The following PABPC4L variants were observed in gnomAD, a reference collection of about 807,000 sequenced individuals.
PABPC4L encodes polyadenylate-binding protein 4-like.
For synonymous variants in PABPC4L, 169 were observed against 164.1 expected, an observed-to-expected ratio of 1.03 and a Z score of -0.23; for missense variants, 452 against 451.4, an observed-to-expected ratio of 1.00 and a Z score of -0.01.
Position 134,199,784 on chromosome 4 carries a change from A to T in PABPC4L, c.*123T>A. 3.1e-6 allele frequency: 4 copies of T among 1,279,204 alleles called. No individual in the cohort carries two copies. In the South Asian group the frequency reaches 6.2e-5, roughly 20 times the overall value. The allele number at this position is 1,279,204 out of a possible 1,614,324, so 79.2% of individuals were successfully genotyped here. A position where few individuals can be genotyped will look rare whatever the true frequency, so the allele number is the denominator to read the frequency against. ...TTTGTATAAAAAACGTTTTATCATAAAGTTTACTAAACTAAGCACCCATCA... is the reference window on the plus strand; with the variant it reads ...TTTGTATAAAAAACGTTTTATCATATAGTTTACTAAACTAAGCACCCATCA... On this transcript the variant is annotated 3_prime_UTR_variant, in exon 2 of 2. Transcript: ENST00000421491.
chr4:134,160,246 C>T, the PABPC4L span, among the ~76,000 whole-genome samples: 2 of 152,066 alleles, frequency 1.3e-5, no homozygotes, highest in East Asian at 1.9e-4. Context: ...TACCCCTTAC[C>T]AAACTTTAGG....
the PABPC4L span, among the ~76,000 whole-genome samples, chr4:134,053,866 T>C: frequency 1.3e-5 from 2 of 152,052 alleles, no homozygotes; most frequent in South Asian, 4.1e-4. Context: ...AAAGTAATTC[T>C]GAGTCTAAGC....
chr4:134,057,549 G>C, the PABPC4L span, among the ~76,000 whole-genome samples: 1 of 152,132 alleles, frequency 6.6e-6, no homozygotes, highest in African/African-American at 2.4e-5. Flanking sequence ...GGCACAACAG[G>C]TGTGACCCTA....
the PABPC4L span, among the ~76,000 whole-genome samples, chr4:133,974,505 A>T: frequency 1.3e-5 from 2 of 152,128 alleles, no homozygotes; most frequent in Non-Finnish European, 2.9e-5. Flanking sequence ...AAAGAAAAGA[A>T]AAAAAACAAT....
At chr4:134,045,513 G>A in the PABPC4L span, among the ~76,000 whole-genome samples, 3 of 152,128 alleles carry the variant, frequency 2.0e-5, no homozygotes, top group Non-Finnish European at 4.4e-5. Flanking sequence ...GAAATCATGA[G>A]GAGAAGTGCA....
Position 134,198,972 on chromosome 4 carries a change from A to T in PABPC4L, c.*935T>A, listed in dbSNP as rs2125708866. On this transcript the variant is annotated 3_prime_UTR_variant, in exon 2 of 2. Transcript: ENST00000421491. Reference sequence around the variant, plus strand: ...GAGGAACTTACTTTTCTGAACCCTAAGAGAAAATCACTACACAAAACAATA... The same window carrying T: ...GAGGAACTTACTTTTCTGAACCCTATGAGAAAATCACTACACAAAACAATA... 1 of 152,158 alleles carries T rather than the reference A, an allele frequency of 6.6e-6. No individual in the cohort carries two copies. Among genetic ancestry groups the T allele is most frequent in the Non-Finnish European group, 1.5e-5 (1 of 67,908 alleles). 9.4% of individuals were successfully genotyped at this position (152,158 alleles called of 1,614,324 possible).
chr4:134,040,587 TA>T, the PABPC4L span, among the ~76,000 whole-genome samples: 1 of 152,124 alleles, frequency 6.6e-6, no homozygotes, highest in Admixed American at 6.6e-5. Flanking sequence ...TAAGATGGAT[TA>T]AAACTTATAC....
At chr4:133,975,484 C>A in the PABPC4L span, among the ~76,000 whole-genome samples, 1 of 151,964 alleles carries the variant, frequency 6.6e-6, no homozygotes, top group Non-Finnish European at 1.5e-5. Flanking sequence ...TTTTATATTA[C>A]GTGAATTATA....
chr4:133,993,641 G>T, the PABPC4L span, among the ~76,000 whole-genome samples: 1 of 152,130 alleles, frequency 6.6e-6, no homozygotes, highest in African/African-American at 2.4e-5. Flanking sequence ...CTGGCAATCT[G>T]GGCATTGCAG....
At chr4:134,132,663 G>T in the PABPC4L span, among the ~76,000 whole-genome samples, 6 of 151,492 alleles carry the variant, frequency 4.0e-5, no homozygotes, top group African/African-American at 1.5e-4. Context: ...ATTCTTTAAA[G>T]AATTAAAAGT....
the PABPC4L span, among the ~76,000 whole-genome samples, chr4:134,137,196 A>G: frequency 6.6e-6 from 1 of 152,024 alleles, no homozygotes; most frequent in African/African-American, 2.4e-5. Context: ...CAGTATACAG[A>G]CATATTTGCA....
the PABPC4L span, among the ~76,000 whole-genome samples, chr4:134,015,436 T>C: frequency 1.3e-5 from 2 of 152,086 alleles, no homozygotes; most frequent in Admixed American, 1.3e-4. Context: ...TCTTTACTAT[T>C]CCTTTGCACC....
chr4:134,147,341 G>A, the PABPC4L span, among the ~76,000 whole-genome samples: 2 of 152,020 alleles, frequency 1.3e-5, no homozygotes, highest in African/African-American at 2.4e-5. Flanking sequence ...TGGATTTAAA[G>A]TAAAGGCAAT....
chr4:134,159,368 C>T, the PABPC4L span, among the ~76,000 whole-genome samples: 17 of 152,080 alleles, frequency 1.1e-4, no homozygotes, highest in East Asian at 2.3e-3. Flanking sequence ...TCATAGTACC[C>T]GGCTGTAACA....
At chr4:134,058,458 G>A in the PABPC4L span, among the ~76,000 whole-genome samples, 2 of 151,718 alleles carry the variant, frequency 1.3e-5, no homozygotes, top group South Asian at 2.1e-4. Context: ...AGGTGCCTTA[G>A]GCTTTAAAGA....
the PABPC4L span, among the ~76,000 whole-genome samples, chr4:133,978,198 A>T: frequency 6.6e-6 from 1 of 152,212 alleles, no homozygotes; most frequent in Non-Finnish European, 1.5e-5. Flanking sequence ...TATGTTCCAG[A>T]TAACTCAAAC....
chr4:134,010,692 T>C, the PABPC4L span: 1 of 152,158 alleles, frequency 6.6e-6, no homozygotes, highest in Admixed American at 6.6e-5. Context: ...AATGATAGCC[T>C]ATGACAGAGA....
chr4:134,006,919 G>A, the PABPC4L span, among the ~76,000 whole-genome samples: 1 of 151,620 alleles, frequency 6.6e-6, no homozygotes, highest in African/African-American at 2.4e-5. Flanking sequence ...AAATTGTGTT[G>A]ATACTGCAAG....
the PABPC4L span, among the ~76,000 whole-genome samples, chr4:134,138,101 C>T: frequency 2.0e-4 from 31 of 151,570 alleles, no homozygotes; most frequent in Admixed American, 2.0e-4. Context: ...TTATGAAAAT[C>T]TACATCTAAA....
Sources: gnomAD v4.1 joint callset for allele counts (sites outside exome capture counted in the v4.1 genomes callset) on GRCh38, gnomAD v4.1.1 for gene constraint, MANE v1.5 for transcripts, NCBI Gene and HGNC (gene_info 2026-07-23, HGNC 2026-07-21) for gene names.